The following SCHIP1 variants were observed in gnomAD, a reference collection of about 807,000 sequenced individuals.
SCHIP1 encodes schwannomin-interacting protein 1.
SCHIP1 carries 8 observed loss-of-function variants against 29.7 expected under a neutral mutation model. The observed-to-expected ratio is 0.27, with a 90% CI of 0.16 to 0.49. The LOEUF (loss-of-function observed/expected upper bound fraction) is 0.49, where lower values mean the gene tolerates loss of function less well. SCHIP1 is among the 20% of genes least tolerant of loss of function. The pLI is 0.99. For missense variants in SCHIP1, 193 were observed against 294.6 expected (o/e 0.66, Z 2.52); for synonymous variants, 76 against 94.9 (o/e 0.80, Z 1.16).
At chr3:159,677,439 T>C in the SCHIP1 span, among the ~76,000 whole-genome samples, 2 of 151,808 alleles carry the variant, frequency 1.3e-5, no homozygotes, top group East Asian at 3.9e-4. Flanking sequence ...GGAGTTGGAC[T>C]GCAGGCTGAG....
chr3:159,626,168 A>C, the SCHIP1 span, among the ~76,000 whole-genome samples: 11 of 66,242 alleles, frequency 1.7e-4, 1 homozygote, highest in Middle Eastern at 0.016. Flanking sequence ...ATATCTAGAT[A>C]TATCTATCTA....
the SCHIP1 span, among the ~76,000 whole-genome samples, chr3:159,646,783 A>G: frequency 6.6e-6 from 1 of 152,146 alleles, no homozygotes; most frequent in African/African-American, 2.4e-5. Flanking sequence ...CTCCAGGCAC[A>G]CAGGCAAAAG....
the SCHIP1 span, among the ~76,000 whole-genome samples, chr3:159,616,815 G>T: frequency 2.6e-4 from 39 of 152,172 alleles, no homozygotes; most frequent in Admixed American, 7.2e-4. Context: ...CAGGCTAATG[G>T]AACAGCCACC....
chr3:159,406,211 C>T, the SCHIP1 span, among the ~76,000 whole-genome samples: 1 of 151,918 alleles, frequency 6.6e-6, no homozygotes, highest in Non-Finnish European at 1.5e-5. Flanking sequence ...AGGAAAGGAT[C>T]CTAAAAGCAG....
At chr3:159,555,662 A>G in the SCHIP1 span, among the ~76,000 whole-genome samples, 1 of 152,174 alleles carries the variant, frequency 6.6e-6, no homozygotes, top group Non-Finnish European at 1.5e-5. Flanking sequence ...TTCATTCTCT[A>G]TTAAAGGGCA....
chr3:159,304,515 C>G, the SCHIP1 span, among the ~76,000 whole-genome samples: 2 of 152,298 alleles, frequency 1.3e-5, no homozygotes, highest in East Asian at 3.9e-4. Context: ...CACAATCCAG[C>G]TAGCTCTCAT....
chr3:159,274,073 T>G, the SCHIP1 span: 1 of 982,246 alleles, frequency 1.0e-6, no homozygotes, highest in Non-Finnish European at 1.2e-6. Flanking sequence ...TCTCATTGCA[T>G]AGTTAGTATG....
chr3:159,313,816 T>C, the SCHIP1 span, among the ~76,000 whole-genome samples: 2 of 152,168 alleles, frequency 1.3e-5, no homozygotes, highest in Non-Finnish European at 2.9e-5. Context: ...CTGGTCCTCA[T>C]TATTGCCTTG....
At chr3:159,389,801 T>C in the SCHIP1 span, among the ~76,000 whole-genome samples, 2 of 152,060 alleles carry the variant, frequency 1.3e-5, no homozygotes, top group Admixed American at 6.6e-5. Context: ...ATGAATGATC[T>C]GATTCCATAA....
chr3:159,356,099 C>T, the SCHIP1 span, among the ~76,000 whole-genome samples: 1 of 152,020 alleles, frequency 6.6e-6, no homozygotes, highest in Non-Finnish European at 1.5e-5. Flanking sequence ...CCCACCAATA[C>T]CTAATGCTAG....
At chr3:159,402,430 G>T in the SCHIP1 span, among the ~76,000 whole-genome samples, 1 of 152,052 alleles carries the variant, frequency 6.6e-6, no homozygotes, top group African/African-American at 2.4e-5. Context: ...CCCATTACTG[G>T]GTATATACCC....
the SCHIP1 span, among the ~76,000 whole-genome samples, chr3:159,612,924 T>C: frequency 6.6e-6 from 1 of 152,228 alleles, no homozygotes; most frequent in African/African-American, 2.4e-5. Flanking sequence ...TTTATTGTGT[T>C]TCTATAATTA....
the SCHIP1 span, among the ~76,000 whole-genome samples, chr3:159,574,172 C>G: frequency 6.6e-6 from 1 of 152,222 alleles, no homozygotes; most frequent in Admixed American, 6.5e-5. Context: ...GAGCTGCAAT[C>G]CTTTGGAGGA....
the SCHIP1 span, among the ~76,000 whole-genome samples, chr3:159,645,906 C>T: frequency 6.6e-6 from 1 of 152,112 alleles, no homozygotes; most frequent in Non-Finnish European, 1.5e-5. Flanking sequence ...AAAACACATT[C>T]AATTTTGATA....
the SCHIP1 span, among the ~76,000 whole-genome samples, chr3:159,422,391 G>A: frequency 6.6e-6 from 1 of 152,046 alleles, no homozygotes; most frequent in Non-Finnish European, 1.5e-5. Flanking sequence ...CCGAAATAAG[G>A]GGTATCTAGC....
chr3:159,805,047 G>A, the SCHIP1 span, among the ~76,000 whole-genome samples: 1 of 152,190 alleles, frequency 6.6e-6, no homozygotes, highest in Non-Finnish European at 1.5e-5. Flanking sequence ...CAAATAGGGT[G>A]TGGTGTTTAT....
chr3:159,810,163 G>A, the SCHIP1 span, among the ~76,000 whole-genome samples: 9 of 152,044 alleles, frequency 5.9e-5, no homozygotes, highest in South Asian at 1.7e-3. Flanking sequence ...CTCCTGCCTC[G>A]GCCTCCCGAG....
At chr3:159,703,520 G>A in the SCHIP1 span, among the ~76,000 whole-genome samples, 1 of 151,974 alleles carries the variant, frequency 6.6e-6, no homozygotes, top group Non-Finnish European at 1.5e-5. Context: ...TCCCACAGCA[G>A]GACATACCAT....
chr3:159,385,374 A>G, the SCHIP1 span, among the ~76,000 whole-genome samples: 7 of 152,316 alleles, frequency 4.6e-5, no homozygotes, highest in Non-Finnish European at 1.0e-4. Context: ...CCTGGCCAAC[A>G]TGGCAAAATC....
Sources: gnomAD v4.1 joint callset for allele counts (sites outside exome capture counted in the v4.1 genomes callset) on GRCh38, gnomAD v4.1.1 for gene constraint, MANE v1.5 for transcripts, NCBI Gene and HGNC (gene_info 2026-07-23, HGNC 2026-07-21) for gene names.